SHANK2: variants seen among roughly 807,000 people sequenced by gnomAD.
SHANK2 encodes the protein SH3 and multiple ankyrin repeat domains protein 2.
SHANK2 carries 43 observed loss-of-function variants against 133.7 expected under a neutral mutation model. The ratio of observed to expected loss-of-function variants is 0.32; its 90% CI spans 0.25 to 0.41. SHANK2 has a LOEUF of 0.41. SHANK2 is among the 10% of genes least tolerant of loss of function. SHANK2 has a pLI of 1.00. For missense variants in SHANK2, 1,994 were observed against 2,235.8 expected (o/e 0.89, Z 2.18); for synonymous variants, 1,017 against 952.8 (o/e 1.07, Z -1.24).
At chr11:70,798,683 C>T (rs572388635) in intron 13 of SHANK2, 127 bp from the exon 14 acceptor site, 8 of 647,042 alleles carry the variant, frequency 1.2e-5, no homozygotes, top group East Asian at 5.5e-5. Context: ...GCAGAGCAAG[C>T]GGCTCTGGTG....
intron 17 of SHANK2, among the ~76,000 whole-genome samples, chr11:70,605,830 G>A (rs2060569632): frequency 6.6e-6 from 1 of 152,182 alleles, no homozygotes; most frequent in Admixed American, 6.5e-5. Context: ...AGGACGGCAG[G>A]TGGGCTGGCA....
chr11:70,943,175 G>T, intron 10 of SHANK2: 1 of 442,850 alleles, frequency 2.3e-6, no homozygotes, highest in Non-Finnish European at 4.5e-6. Flanking sequence ...TCATTGAGAA[G>T]ATGGTGCTCA....
At chr11:71,174,699 C>CAAAAAAAA (rs1953390589) in intron 2 of SHANK2, 3 of 74,858 alleles carry the variant, frequency 4.0e-5, no homozygotes, top group African/African-American at 8.6e-5. Flanking sequence ...AAAAAAAAAT[C>CAAAAAAAA]AAAAATTAGC....
intron 14 of SHANK2, among the ~76,000 whole-genome samples, chr11:70,764,303 A>C (rs1947067154): frequency 6.9e-6 from 1 of 145,464 alleles, no homozygotes; most frequent in Admixed American, 6.8e-5. Flanking sequence ...ACATCATTCC[A>C]TCCTTTATCC....
intron 14 of SHANK2, among the ~76,000 whole-genome samples, chr11:70,736,859 C>T (rs1555033689): frequency 6.6e-6 from 1 of 152,108 alleles, no homozygotes; most frequent in African/African-American, 2.4e-5. Context: ...TTCTCCAGAA[C>T]CAAACGGTTT....
chr11:70,872,657 G>C (rs527918415), intron 11 of SHANK2, among the ~76,000 whole-genome samples: 1 of 152,238 alleles, frequency 6.6e-6, no homozygotes, highest in East Asian at 1.9e-4. Flanking sequence ...TGGAATGAGA[G>C]ATGGGTCCCT....
chr11:70,517,860 T>C (rs1460713558), intron 17 of SHANK2, among the ~76,000 whole-genome samples: 4 of 152,146 alleles, frequency 2.6e-5, no homozygotes, highest in African/African-American at 9.7e-5. Flanking sequence ...CTACGGGCTT[T>C]AGTTAATAAT....
chr11:70,503,580 T>C (rs2059092508), intron 17 of SHANK2, among the ~76,000 whole-genome samples: 2 of 152,160 alleles, frequency 1.3e-5, no homozygotes, highest in African/African-American at 4.8e-5. Flanking sequence ...CCTGGGACGG[T>C]GAGTGGCAGG....
At chr11:70,838,726 A>G (rs1206691952) in intron 11 of SHANK2, among the ~76,000 whole-genome samples, 2 of 152,188 alleles carry the variant, frequency 1.3e-5, no homozygotes, top group African/African-American at 4.8e-5. Flanking sequence ...GAGTCCCTGG[A>G]CTCTCACTCT....
intron 21 of SHANK2, among the ~76,000 whole-genome samples, chr11:70,492,787 G>GTTTTTTT (rs34452642): frequency 4.2e-5 from 3 of 70,592 alleles, no homozygotes; most frequent in African/African-American, 1.2e-4. Flanking sequence ...ACATTTCTGT[G>GTTTTTTT]TTTTTTTTTT....
chr11:70,854,756 C>G (rs1335545176), intron 11 of SHANK2, among the ~76,000 whole-genome samples: 1 of 152,204 alleles, frequency 6.6e-6, no homozygotes, highest in African/African-American at 2.4e-5. Context: ...GAAACACCCA[C>G]AGCTGGAAGC....
At chr11:71,112,074 A>G (rs1237204713) in intron 5 of SHANK2, among the ~76,000 whole-genome samples, 1 of 152,218 alleles carries the variant, frequency 6.6e-6, no homozygotes, top group Non-Finnish European at 1.5e-5. Context: ...CAATAATGAT[A>G]ATGACAGATT....
intron 17 of SHANK2, among the ~76,000 whole-genome samples, chr11:70,647,878 A>T (rs2061287351): frequency 6.6e-6 from 1 of 152,228 alleles, no homozygotes; most frequent in Non-Finnish European, 1.5e-5. Flanking sequence ...CAGTTTCAAG[A>T]AACACAGAAT....
At chr11:70,551,651 A>G (rs1194665901) in intron 17 of SHANK2, among the ~76,000 whole-genome samples, 1 of 152,226 alleles carries the variant, frequency 6.6e-6, no homozygotes, top group African/African-American at 2.4e-5. Flanking sequence ...CTTTAATTCT[A>G]CAACGATGCG....
At chr11:70,783,521 C>G (rs782108991) in intron 14 of SHANK2, among the ~76,000 whole-genome samples, 2 of 152,150 alleles carry the variant, frequency 1.3e-5, no homozygotes, top group Non-Finnish European at 2.9e-5. Context: ...GCACAGCACA[C>G]GCCAATCCTG....
rs558730693 is a variant in SHANK2 at position 70,876,050 on chromosome 11, G to A, written c.1174+20451C>T. On this transcript the variant is annotated intron_variant, in intron 11 of 25. Transcript: ENST00000601538. ...GCATGCCTGTAATCCCAGCTACTTGGGAGGCTGAGGCAGGAGAATCACTTG... is the reference window on the plus strand; with the variant it reads ...GCATGCCTGTAATCCCAGCTACTTGAGAGGCTGAGGCAGGAGAATCACTTG... Among the ~76,000 whole-genome samples the A allele has an allele frequency of 1.8e-4, 27 of 152,044 alleles. No homozygotes were observed. In the South Asian group the frequency reaches 3.9e-3, roughly 22 times the overall value.
At chr11:71,221,388 C>T (rs190485277) in intron 2 of SHANK2, among the ~76,000 whole-genome samples, 35 of 152,206 alleles carry the variant, frequency 2.3e-4, no homozygotes, top group African/African-American at 7.9e-4. Context: ...AGACGGTGGC[C>T]GGAGCGCAGG....
intron 14 of SHANK2, among the ~76,000 whole-genome samples, chr11:70,749,011 C>G (rs572239360): frequency 2.0e-5 from 1 of 49,630 alleles, no homozygotes; most frequent in African/African-American, 1.0e-4. Flanking sequence ...ACACAGCGAC[C>G]GACCTGAGGG....
At chr11:70,562,497 G>C (rs2059918198) in intron 17 of SHANK2, among the ~76,000 whole-genome samples, 1 of 152,140 alleles carries the variant, frequency 6.6e-6, no homozygotes, top group South Asian at 2.1e-4. Context: ...CCATAGAACT[G>C]ACCCTTTTAC....
Sources: gnomAD v4.1 joint callset for allele counts (sites outside exome capture counted in the v4.1 genomes callset) on GRCh38, gnomAD v4.1.1 for gene constraint, MANE v1.5 for transcripts, NCBI Gene and HGNC (gene_info 2026-07-23, HGNC 2026-07-21) for gene names.